Variants in GTF3C5 observed in about 807,000 individuals in gnomAD.
The protein encoded by GTF3C5 is general transcription factor 3C polypeptide 5.
Under a neutral mutation model 61.0 loss-of-function variants are expected in GTF3C5, and 47 were observed. That is an observed-to-expected ratio of 0.77 (90% confidence interval 0.61 to 0.98). The LOEUF is 0.98. Ranked by LOEUF, GTF3C5 falls within the 50% of genes least tolerant of loss-of-function variation. The pLI is 0.00. For missense variants in GTF3C5, 659 were observed against 703.3 expected (o/e 0.94, Z 0.71); for synonymous variants, 295 against 275.4 (o/e 1.07, Z -0.71).
chr9:133,041,731 C>T (rs1388650473), intron 1 of GTF3C5, among the ~76,000 whole-genome samples: 1 of 152,158 alleles, frequency 6.6e-6, no homozygotes, highest in African/African-American at 2.4e-5. Context: ...CGTCTCCACA[C>T]ACAGGGAGAA....
chr9:133,030,776 A>T (rs1056785701), upstream of GTF3C5: 3 of 628,112 alleles, frequency 4.8e-6, no homozygotes, highest in Admixed American at 8.0e-5. Flanking sequence ...CCGGTGGACT[A>T]ACTCGCTTAA....
intron 6 of GTF3C5, 85 bp from the exon 7 acceptor site, chr9:133,054,323 C>G (rs1829856966): frequency 8.6e-7 from 1 of 1,156,786 alleles, no homozygotes. Context: ...CCCATGGACC[C>G]AACTCCCATC....
chr9:133,054,578 G>A (rs1292227449), intron 7 of GTF3C5, 90 bp downstream of exon 7: 8 of 1,427,780 alleles, frequency 5.6e-6, no homozygotes, highest in Non-Finnish European at 7.8e-6. Context: ...GGTTCCTGGG[G>A]GTCACTCCAG....
At chr9:133,039,557 C>A (rs1380693429) in intron 1 of GTF3C5, among the ~76,000 whole-genome samples, 1 of 152,164 alleles carries the variant, frequency 6.6e-6, no homozygotes, top group Non-Finnish European at 1.5e-5. Context: ...GCATGCACCA[C>A]CACGCCCAGC....
chr9:133,033,942 T>C (rs1186423768), intron 1 of GTF3C5, among the ~76,000 whole-genome samples: 2 of 152,102 alleles, frequency 1.3e-5, no homozygotes, highest in African/African-American at 4.8e-5. Context: ...GGGGAGAGCG[T>C]TGGGTCCCAT....
chr9:133,033,811 G>A (rs1406351819), intron 1 of GTF3C5, among the ~76,000 whole-genome samples: 1 of 152,308 alleles, frequency 6.6e-6, no homozygotes, highest in African/African-American at 2.4e-5. Context: ...CCATCCAGGC[G>A]TTTGCATCTC....
intron 1 of GTF3C5, among the ~76,000 whole-genome samples, chr9:133,035,455 A>G (rs1228049175): frequency 6.6e-6 from 1 of 152,120 alleles, no homozygotes; most frequent in Non-Finnish European, 1.5e-5. Flanking sequence ...ATAAATTCCT[A>G]TACATCCCTA....
chr9:133,042,482 C>G (rs1850067726), intron 2 of GTF3C5, among the ~76,000 whole-genome samples, 176 bp downstream of exon 2: 1 of 152,244 alleles, frequency 6.6e-6, no homozygotes, highest in Non-Finnish European at 1.5e-5. Flanking sequence ...TCCCTCCAGC[C>G]AACAGTTCCC....
At position 133,056,006 on chromosome 9, in the gene GTF3C5, C is replaced by T. The variant is rs772552845; in HGVS notation, c.1168-6C>T. ...CTTCCCTGTCTCTCTCCCCCTTTGTCACCAGGACTCTGTCTACATCTTCCG... is the reference window on the plus strand; with the variant it reads ...CTTCCCTGTCTCTCTCCCCCTTTGTTACCAGGACTCTGTCTACATCTTCCG... On this transcript the variant is annotated splice_polypyrimidine_tract_variant and splice_region_variant and intron_variant, in intron 8 of 10. Coordinates refer to ENST00000372097, the MANE Select transcript of GTF3C5 (RefSeq NM_012087.4). The T allele has an allele frequency of 3.7e-6, 6 of 1,614,116 alleles. No homozygotes were observed. Among genetic ancestry groups the T allele is most frequent in the Non-Finnish European group, 5.1e-6 (6 of 1,179,962 alleles).
intron 1 of GTF3C5, among the ~76,000 whole-genome samples, chr9:133,032,698 C>T (rs1177745652): frequency 1.3e-5 from 2 of 152,084 alleles, no homozygotes; most frequent in Admixed American, 1.3e-4. Flanking sequence ...TTGTATTAAC[C>T]CTCAGGCACA....
intron 1 of GTF3C5, among the ~76,000 whole-genome samples, chr9:133,038,035 A>C (rs1849917772): frequency 6.6e-6 from 1 of 152,122 alleles, no homozygotes; most frequent in Admixed American, 6.5e-5. Flanking sequence ...GGCTATTTCA[A>C]ATAGAACAGG....
intron 1 of GTF3C5, among the ~76,000 whole-genome samples, chr9:133,033,675 A>C (rs954982428): frequency 2.0e-5 from 3 of 152,260 alleles, no homozygotes; most frequent in African/African-American, 7.2e-5. Context: ...GCTACCGTAC[A>C]GCCCATGCCC....
rs138091600 is a variant in GTF3C5, at chr9:133,042,165, C to T, written c.232C>T (p.Arg78Cys). 65 of 1,613,966 alleles carry T rather than the reference C, an allele frequency of 4.0e-5. No individual in the cohort carries two copies. Among genetic ancestry groups the T allele is most frequent in the Admixed American group, 1.2e-4 (7 of 60,004 alleles). Residue 78 changes from arginine (R) to cysteine (C), a missense_variant, in exon 2 of 11, where the codon CGC becomes TGC. Coordinates refer to ENST00000372097, the MANE Select transcript of GTF3C5 (RefSeq NM_012087.4). ...DPYCHPVCAN[R>C]FSTSSLLLRI... The stretch of plus-strand genomic sequence containing the variant: ...ATACTGCCACCCAGTGTGCGCCAAC[C>T]GCTTCAGTACCAGCAGCCTGCTGCT...
chr9:133,039,874 A>G (rs1367038153), intron 1 of GTF3C5, among the ~76,000 whole-genome samples: 1 of 152,242 alleles, frequency 6.6e-6, no homozygotes, highest in Non-Finnish European at 1.5e-5. Context: ...AGTTTAGGTC[A>G]GACATCTACA....
intron 1 of GTF3C5, among the ~76,000 whole-genome samples, chr9:133,033,275 T>G (rs1181317429): frequency 6.6e-6 from 1 of 152,162 alleles, no homozygotes; most frequent in African/African-American, 2.4e-5. Flanking sequence ...TCTCTTACTC[T>G]ACGGTGTCTT....
intron 3 of GTF3C5, among the ~76,000 whole-genome samples, chr9:133,045,538 C>T (rs1469300642): frequency 2.0e-5 from 3 of 152,250 alleles, no homozygotes; most frequent in Non-Finnish European, 4.4e-5. Flanking sequence ...AGAACAGAGC[C>T]TGGCCTGTGA....
At chr9:133,055,145 C>T (rs999335894) in intron 8 of GTF3C5, 21 of 1,546,524 alleles carry the variant, frequency 1.4e-5, no homozygotes, top group Admixed American at 9.8e-5. Context: ...CGGAATTGGG[C>T]ACACACAGGA....
chr9:133,031,387 T>C (rs1353097665), intron 1 of GTF3C5, among the ~76,000 whole-genome samples: 1 of 152,154 alleles, frequency 6.6e-6, no homozygotes. Flanking sequence ...GTTTCGCTCT[T>C]GTTTCCCAGG....
In GTF3C5 at chr9:133,053,888, G is replaced by C. The variant is rs760518982; in HGVS notation, c.934G>C (p.Asp312His). Reference protein sequence around the residue: ...RFGYDPRKNPDAKIYQVLDFR... With the variant: ...RFGYDPRKNPHAKIYQVLDFR... ...TGGGTATGACCCCCGAAAAAACCCAGATGCCAAGATTTATCAAGTCCTCGA... is the reference window on the plus strand; with the variant it reads ...TGGGTATGACCCCCGAAAAAACCCACATGCCAAGATTTATCAAGTCCTCGA... The change falls in exon 6 of 11, where the codon GAT becomes CAT. Residue 312 changes from aspartate (D) to histidine (H), a missense_variant. Transcript: ENST00000372097. 6 of 1,613,510 alleles carry C rather than the reference G, an allele frequency of 3.7e-6. No homozygotes were observed. In the Admixed American group the frequency reaches 1.0e-4, roughly 27 times the overall value.
Sources: allele counts gnomAD v4.1 joint callset (sites outside exome capture counted in the v4.1 genomes callset), GRCh38; gene constraint gnomAD v4.1.1; transcripts MANE v1.5; gene names NCBI Gene and HGNC (gene_info 2026-07-23, HGNC 2026-07-21).